Variants in DYM observed in about 807,000 individuals in gnomAD.
The protein encoded by DYM is dyggve-Melchior-Clausen syndrome protein.
Under a neutral mutation model 93.1 loss-of-function variants are expected in DYM, and 78 were observed. The observed-to-expected ratio is 0.84, with a 90% CI of 0.70 to 1.01. The LOEUF (loss-of-function observed/expected upper bound fraction) is 1.01. Ranked by LOEUF, DYM falls within the 50% of genes least tolerant of loss-of-function variation. The pLI, the probability that DYM is intolerant of heterozygous loss-of-function variation, is 0.00. For missense variants in DYM, 789 were observed against 845.0 expected, an observed-to-expected ratio of 0.93 and a Z score of 0.82; for synonymous variants, 321 against 319.7, an observed-to-expected ratio of 1.00 and a Z score of -0.04.
chr18:49,209,732 A>G lies in DYM; in HGVS notation c.1461-17T>C. Reference sequence around the variant, plus strand: ...CAGGTATAACTGAAAGACAAAGGTAAAAGGAGAGAAACAGAAAGAGAGGAG... The same window carrying G: ...CAGGTATAACTGAAAGACAAAGGTAGAAGGAGAGAAACAGAAAGAGAGGAG... On this transcript the variant is annotated splice_polypyrimidine_tract_variant and intron_variant, in intron 13 of 17. Coordinates refer to ENST00000675505, the MANE Select transcript of DYM (RefSeq NM_001353214.3). 8.1e-7 allele frequency: 1 copy of G among 1,238,020 alleles called. No individual in the cohort carries two copies. The highest frequency in any genetic ancestry group is 1.4e-5 in the South Asian group (1 of 73,224). The allele number at this position is 1,238,020 out of a possible 1,614,324, so 76.7% of individuals were successfully genotyped here. A position where few individuals can be genotyped will look rare whatever the true frequency, so the allele number is the denominator to read the frequency against.
In DYM at chr18:49,038,485, C is replaced by T. The variant is rs2070785533; in HGVS notation, c.*5570G>A. Among the ~76,000 whole-genome samples, 2 of 152,210 alleles carry T rather than the reference C, an allele frequency of 1.3e-5. No homozygotes were observed. Among genetic ancestry groups the T allele is most frequent in the Admixed American group, 1.3e-4 (2 of 15,284 alleles). ...TTAAATATATCTACACCAGTTTCCT[C>T]ATGGTTACTGTTTGCTGGGTATGTA... On this transcript the variant is annotated 3_prime_UTR_variant, in exon 18 of 18. Coordinates refer to ENST00000675505, the MANE Select transcript of DYM (RefSeq NM_001353214.3).
intron 2 of DYM, among the ~76,000 whole-genome samples, chr18:49,394,776 A>G (rs1005396074): frequency 6.6e-6 from 1 of 152,114 alleles, no homozygotes; most frequent in Non-Finnish European, 1.5e-5. Flanking sequence ...AGGTTTTTTT[A>G]ATAGCTACTG....
intron 12 of DYM, among the ~76,000 whole-genome samples, chr18:49,257,838 G>C (rs1462397266): frequency 6.6e-6 from 1 of 151,276 alleles, no homozygotes; most frequent in Admixed American, 6.6e-5. Flanking sequence ...AGGCTGAAGG[G>C]CAGTGGCACA....
intron 11 of DYM, among the ~76,000 whole-genome samples, chr18:49,258,882 A>C (rs2145190705): frequency 8.2e-6 from 1 of 122,430 alleles, no homozygotes; most frequent in South Asian, 2.8e-4. Flanking sequence ...AGAGAGAGAG[A>C]GAGATAGGCA....
intron 16 of DYM, among the ~76,000 whole-genome samples, chr18:49,102,612 T>G (rs1266105213): frequency 6.6e-6 from 1 of 152,160 alleles, no homozygotes; most frequent in African/African-American, 2.4e-5. Flanking sequence ...TTCCCCTTCC[T>G]GTGTCCATGT....
At chr18:49,103,952 G>T (rs917501460) in intron 16 of DYM, among the ~76,000 whole-genome samples, 1 of 152,000 alleles carries the variant, frequency 6.6e-6, no homozygotes, top group African/African-American at 2.4e-5. Context: ...TGTGAAGAAG[G>T]TCATTGGTAG....
At chr18:49,164,305 GGACT>G (rs1384477302) in intron 14 of DYM, among the ~76,000 whole-genome samples, 1 of 151,708 alleles carries the variant, frequency 6.6e-6, no homozygotes, top group East Asian at 1.9e-4. Flanking sequence ...AACTGATACT[GGACT>G]AACTCTCCTG....
chr18:49,082,274 C>A (rs2145213910), intron 17 of DYM, among the ~76,000 whole-genome samples: 1 of 152,366 alleles, frequency 6.6e-6, no homozygotes, highest in Non-Finnish European at 1.5e-5. Flanking sequence ...TGTTTCCTCT[C>A]CTCTAAATGA....
At chr18:49,450,408 T>C (rs1450092996) in intron 1 of DYM, among the ~76,000 whole-genome samples, 3 of 152,242 alleles carry the variant, frequency 2.0e-5, no homozygotes, top group Non-Finnish European at 4.4e-5. Flanking sequence ...GATTTTCATG[T>C]AATAGTAAAG....
intron 6 of DYM, among the ~76,000 whole-genome samples, chr18:49,347,252 A>G (rs1233849757): frequency 6.6e-6 from 1 of 152,150 alleles, no homozygotes; most frequent in Non-Finnish European, 1.5e-5. Flanking sequence ...ATGGAGGCCA[A>G]TGGAAGGACT....
intron 8 of DYM, among the ~76,000 whole-genome samples, chr18:49,324,191 G>A (rs1011277566): frequency 6.9e-6 from 1 of 145,850 alleles, no homozygotes; most frequent in Non-Finnish European, 1.5e-5. Context: ...GCAGGGTGAT[G>A]TGCTCGTAGA....
intron 8 of DYM, among the ~76,000 whole-genome samples, chr18:49,312,565 T>C (rs1224787754): frequency 2.6e-5 from 4 of 152,146 alleles, no homozygotes; most frequent in Non-Finnish European, 4.4e-5. Flanking sequence ...CCCCTATGCA[T>C]CCCCTCTCTG....
intron 9 of DYM, among the ~76,000 whole-genome samples, chr18:49,282,570 G>A (rs1423037408): frequency 8.5e-5 from 13 of 152,176 alleles, no homozygotes; most frequent in Non-Finnish European, 5.9e-5. Flanking sequence ...CCGAGCTCAC[G>A]CCACTGCACT....
chr18:49,154,569 A>G (rs527807820), intron 15 of DYM, among the ~76,000 whole-genome samples: 57 of 152,008 alleles, frequency 3.7e-4, no homozygotes, highest in African/African-American at 1.2e-3. Context: ...TAATTTTTGT[A>G]TTTTTAGTAG....
rs200863364 is a variant in DYM at position 49,066,553 on chromosome 18, GAAC to G, written c.2026-22352_2026-22350del. Among the ~76,000 whole-genome samples, 907 of 152,252 alleles carry G rather than the reference GAAC, an allele frequency of 6.0e-3. 10 individuals carry two copies. The highest frequency in any genetic ancestry group is 0.021 in the African/African-American group (860 of 41,534). Reference sequence around the variant, plus strand: ...GTTGTTTCCAGGGTTGGACTGTTATGAACAATTGTGCTATGAACATTCTTACAC... The same window carrying G: ...GTTGTTTCCAGGGTTGGACTGTTATGAATTGTGCTATGAACATTCTTACAC... On this transcript the variant is annotated intron_variant, in intron 17 of 17. Transcript: ENST00000675505.
Position 49,043,977 on chromosome 18 carries a change from C to A in DYM, c.*78G>T. 6.6e-7 allele frequency: 1 copy of A among 1,526,516 alleles called. No homozygotes were observed. Among genetic ancestry groups the A allele is most frequent in the Non-Finnish European group, 9.0e-7 (1 of 1,106,704 alleles). 94.6% of individuals were successfully genotyped at this position (1,526,516 alleles called of 1,614,324 possible). On this transcript the variant is annotated 3_prime_UTR_variant, in exon 18 of 18. Coordinates refer to ENST00000675505, the MANE Select transcript of DYM (RefSeq NM_001353214.3). ...AAGATACACCAAGTAACCTGTCTGT[C>A]TACTTCTGTTACCCAGAAATAAAAG...
intron 8 of DYM, among the ~76,000 whole-genome samples, chr18:49,289,776 CATATATATATATACACACAT>C (rs2059979385): frequency 4.7e-5 from 4 of 85,516 alleles, no homozygotes; most frequent in African/African-American, 2.3e-4. Flanking sequence ...TATATATACA[CATATATATATATACACACAT>C]ATATATATAT....
intron 15 of DYM, among the ~76,000 whole-genome samples, chr18:49,128,905 T>C (rs894814494): frequency 4.6e-5 from 7 of 152,136 alleles, no homozygotes; most frequent in East Asian, 3.8e-4. Context: ...AAGGAACCTA[T>C]TGATTCTTCT....
chr18:49,368,222 T>C (rs2066688327), intron 5 of DYM, among the ~76,000 whole-genome samples: 1 of 152,218 alleles, frequency 6.6e-6, no homozygotes, highest in Non-Finnish European at 1.5e-5. Flanking sequence ...TAATATACTC[T>C]ACCAGGTTTG....
Sources: allele counts gnomAD v4.1 joint callset (sites outside exome capture counted in the v4.1 genomes callset), GRCh38; gene constraint gnomAD v4.1.1; transcripts MANE v1.5; gene names NCBI Gene and HGNC (gene_info 2026-07-23, HGNC 2026-07-21).